The following SPAG16 variants were observed in gnomAD, a reference collection of about 807,000 sequenced individuals.
The protein encoded by SPAG16 is sperm-associated antigen 16 protein.
SPAG16 carries 86 observed loss-of-function variants against 80.4 expected under a neutral mutation model. The ratio of observed to expected loss-of-function variants is 1.07; its 90% CI spans 0.90 to 1.28. The LOEUF is 1.28. Among genes scored for constraint, SPAG16 ranks in the 50% most tolerant of loss-of-function variants. The pLI, the probability that SPAG16 is intolerant of heterozygous loss-of-function variation, is 0.00. For synonymous variants in SPAG16, 294 were observed against 265.9 expected (o/e 1.11, Z -1.03); for missense variants, 870 against 765.3 (o/e 1.14, Z -1.61).
chr2:214,152,017 G>A (rs2055997654), intron 15 of SPAG16, among the ~76,000 whole-genome samples: 1 of 152,068 alleles, frequency 6.6e-6, no homozygotes, highest in Non-Finnish European at 1.5e-5. Context: ...TGTTTAAAAA[G>A]AGTTATTTTC....
At chr2:213,686,346 G>C (rs111941205) in intron 10 of SPAG16, among the ~76,000 whole-genome samples, 7,319 of 152,202 alleles carry the variant, frequency 0.048, 585 homozygotes, top group African/African-American at 0.17. Flanking sequence ...CCAATCTCCT[G>C]ACTTTGTGAT....
chr2:214,335,755 C>CTTTTTT (rs71037369), intron 15 of SPAG16, among the ~76,000 whole-genome samples: 17 of 90,566 alleles, frequency 1.9e-4, no homozygotes, highest in East Asian at 6.0e-4. Context: ...TATTAGGATT[C>CTTTTTT]TTTTTTTTTT....
intron 10 of SPAG16, among the ~76,000 whole-genome samples, chr2:213,557,234 T>G (rs1053471162): frequency 3.9e-5 from 6 of 152,174 alleles, no homozygotes; most frequent in Admixed American, 2.6e-4. Context: ...TATCACCTTT[T>G]TAAATCTCTT....
intron 15 of SPAG16, among the ~76,000 whole-genome samples, chr2:214,262,807 A>C (rs1691273796): frequency 6.6e-6 from 1 of 152,140 alleles, no homozygotes; most frequent in Admixed American, 6.5e-5. Context: ...GCATTGCTCT[A>C]CTATATAAAT....
At chr2:213,880,717 A>C (rs1055302314) in intron 11 of SPAG16, among the ~76,000 whole-genome samples, 1 of 152,192 alleles carries the variant, frequency 6.6e-6, no homozygotes, top group Non-Finnish European at 1.5e-5. Context: ...TTGCAGCACC[A>C]TTTATTACAT....
intron 12 of SPAG16, among the ~76,000 whole-genome samples, chr2:213,951,027 T>TTC (rs1391604257): frequency 1.3e-5 from 2 of 151,664 alleles, no homozygotes; most frequent in Non-Finnish European, 2.9e-5. Flanking sequence ...TAGTTTTTTT[T>TTC]TTTTTAATAA....
At chr2:213,589,373 G>A (rs1437856876) in intron 10 of SPAG16, among the ~76,000 whole-genome samples, 1 of 152,122 alleles carries the variant, frequency 6.6e-6, no homozygotes, top group African/African-American at 2.4e-5. Context: ...GTATTTTATT[G>A]ATAAATGGAA....
chr2:214,167,994 CT>C (rs202075837), intron 15 of SPAG16, among the ~76,000 whole-genome samples: 271 of 132,976 alleles, frequency 2.0e-3, no homozygotes, highest in Middle Eastern at 3.8e-3. Context: ...TTCTTTTTCT[CT>C]TTTTTTTTTT....
chr2:213,482,960 C>A (rs1047706531), intron 9 of SPAG16, among the ~76,000 whole-genome samples: 2 of 151,878 alleles, frequency 1.3e-5, no homozygotes, highest in Admixed American at 1.3e-4. Flanking sequence ...TTTGAATATG[C>A]AGAAATGAAT....
At chr2:213,841,960 G>T (rs1006307808) in intron 10 of SPAG16, among the ~76,000 whole-genome samples, 5 of 152,080 alleles carry the variant, frequency 3.3e-5, no homozygotes, top group Non-Finnish European at 7.4e-5. Context: ...ATATCTAGGG[G>T]TTGAAATCTT....
chr2:213,322,763 A>G (rs972310628), intron 5 of SPAG16, among the ~76,000 whole-genome samples: 10 of 152,114 alleles, frequency 6.6e-5, no homozygotes, highest in Non-Finnish European at 1.5e-4. Context: ...TTTATGTAGG[A>G]TTGGTAAGGG....
intron 12 of SPAG16, among the ~76,000 whole-genome samples, chr2:213,980,255 G>A (rs1194724174): frequency 3.0e-5 from 2 of 65,984 alleles, no homozygotes; most frequent in African/African-American, 9.6e-5. Context: ...TAGAATATAT[G>A]TGTGTATATA....
intron 13 of SPAG16, among the ~76,000 whole-genome samples, chr2:214,076,890 T>C (rs567249628): frequency 7.0e-4 from 106 of 152,100 alleles, no homozygotes; most frequent in Non-Finnish European, 1.3e-3. Context: ...CCCTGATCAA[T>C]AGCAAGTTGG....
At chr2:213,451,132 T>TTGTC (rs4016243) in intron 9 of SPAG16, among the ~76,000 whole-genome samples, 14,782 of 152,190 alleles carry the variant, frequency 0.097, 1,859 homozygotes, top group African/African-American at 0.29. Flanking sequence ...ATTATCCACA[T>TTGTC]TGTGAAGCAC....
At chr2:213,834,992 A>G (rs926874730) in intron 10 of SPAG16, among the ~76,000 whole-genome samples, 7 of 152,160 alleles carry the variant, frequency 4.6e-5, no homozygotes, top group Non-Finnish European at 8.8e-5. Flanking sequence ...GTTGCAAAAT[A>G]TATTTGAACT....
At chr2:213,656,250 G>A (rs1337080381) in intron 10 of SPAG16, among the ~76,000 whole-genome samples, 2 of 152,184 alleles carry the variant, frequency 1.3e-5, no homozygotes, top group East Asian at 1.9e-4. Context: ...GGCGACCTCG[G>A]CTCACTGCAA....
intron 9 of SPAG16, among the ~76,000 whole-genome samples, chr2:213,377,620 C>G (rs1021411508): frequency 6.6e-6 from 1 of 152,062 alleles, no homozygotes; most frequent in Non-Finnish European, 1.5e-5. Flanking sequence ...GGTGTGTGGC[C>G]GTTCGTAAAT....
intron 9 of SPAG16, among the ~76,000 whole-genome samples, chr2:213,463,614 G>A (rs1163932385): frequency 6.6e-6 from 1 of 152,260 alleles, no homozygotes; most frequent in African/African-American, 2.4e-5. Context: ...TTCACATGGT[G>A]TGGAGCCTGC....
chr2:213,774,729 C>T (rs1266139801), intron 10 of SPAG16, among the ~76,000 whole-genome samples: 1 of 152,110 alleles, frequency 6.6e-6, no homozygotes, highest in Non-Finnish European at 1.5e-5. Flanking sequence ...GTCAATAATA[C>T]CTGTGCCCTA....
Sources: gnomAD v4.1 joint callset for allele counts (sites outside exome capture counted in the v4.1 genomes callset) on GRCh38, gnomAD v4.1.1 for gene constraint, MANE v1.5 for transcripts, NCBI Gene and HGNC (gene_info 2026-07-23, HGNC 2026-07-21) for gene names.